The following TMEM131L variants were observed in gnomAD, a reference collection of about 807,000 sequenced individuals.
TMEM131L encodes transmembrane 131 like, also known as transmembrane protein 131-like.
TMEM131L carries 54 observed loss-of-function variants against 192.2 expected under a neutral mutation model. That is an observed-to-expected ratio of 0.28 (90% CI 0.23 to 0.35). The LOEUF is 0.35. TMEM131L is among the 10% of genes least tolerant of loss of function. TMEM131L has a pLI of 1.00. For synonymous variants in TMEM131L, 701 were observed against 704.9 expected (o/e 0.99, Z 0.09); for missense variants, 1,888 against 1,972.9 (o/e 0.96, Z 0.82).
intron 7 of TMEM131L, among the ~76,000 whole-genome samples, chr4:153,566,189 G>A (rs1729176831): frequency 6.6e-6 from 1 of 151,322 alleles, no homozygotes; most frequent in Non-Finnish European, 1.5e-5. Flanking sequence ...AGGCTGGAGT[G>A]CAGTGGCGCA....
At chr4:153,483,817 C>G (rs935835811) in intron 3 of TMEM131L, among the ~76,000 whole-genome samples, 1 of 152,122 alleles carries the variant, frequency 6.6e-6, no homozygotes, top group East Asian at 1.9e-4. Flanking sequence ...AGGAAGGCTT[C>G]TAGCTAGAGA....
intron 3 of TMEM131L, among the ~76,000 whole-genome samples, chr4:153,486,953 C>A (rs1274011790): frequency 6.6e-6 from 1 of 152,178 alleles, no homozygotes; most frequent in Admixed American, 6.5e-5. Context: ...GAGAAATGAG[C>A]GGTCTAGGGC....
intron 1 of TMEM131L, 47 bp from the exon 2 acceptor site, chr4:153,467,164 C>A (rs975150926): frequency 6.5e-7 from 1 of 1,531,808 alleles, no homozygotes. Flanking sequence ...GGAAGCGTTT[C>A]TTTAGCGTGC....
At chr4:153,494,191 A>G (rs1732997257) in intron 3 of TMEM131L, among the ~76,000 whole-genome samples, 1 of 152,142 alleles carries the variant, frequency 6.6e-6, no homozygotes, top group African/African-American at 2.4e-5. Context: ...AACTGTTAAT[A>G]GTGGAATTTG....
At chr4:153,634,376 G>A (rs1734429284) in intron 33 of TMEM131L, 96 bp downstream of exon 33, 1 of 1,018,688 alleles carries the variant, frequency 9.8e-7, no homozygotes, top group Non-Finnish European at 1.5e-6. Flanking sequence ...TTAACAGCGA[G>A]CAGACTTTGA....
chr4:153,491,023 A>G (rs1732742988), intron 3 of TMEM131L, among the ~76,000 whole-genome samples: 1 of 151,982 alleles, frequency 6.6e-6, no homozygotes, highest in South Asian at 2.1e-4. Context: ...GACCCCGTTC[A>G]GAGATGTGTC....
chr4:153,547,704 A>G (rs181055446), intron 3 of TMEM131L, among the ~76,000 whole-genome samples: 11 of 152,346 alleles, frequency 7.2e-5, no homozygotes, highest in Non-Finnish European at 1.5e-4. Flanking sequence ...TCTGCTTCCC[A>G]AGCCGTCATC....
At chr4:153,500,035 T>TCCTTCCTG (rs1733480508) in intron 3 of TMEM131L, among the ~76,000 whole-genome samples, 1 of 138,646 alleles carries the variant, frequency 7.2e-6, no homozygotes, top group African/African-American at 2.8e-5. Flanking sequence ...GAACCAACCT[T>TCCTTCCTG]CCTTCCTCCC....
At chr4:153,606,984 T>A (rs1732283589) in intron 25 of TMEM131L, among the ~76,000 whole-genome samples, 1 of 152,224 alleles carries the variant, frequency 6.6e-6, no homozygotes, top group South Asian at 2.1e-4. Context: ...TTCACAGCAC[T>A]GTCCTGGGAA....
intron 3 of TMEM131L, among the ~76,000 whole-genome samples, chr4:153,540,026 G>A (rs1477917896): frequency 1.3e-5 from 2 of 152,022 alleles, no homozygotes; most frequent in Non-Finnish European, 2.9e-5. Flanking sequence ...CAGGAGAATT[G>A]CTTGAACCCG....
At chr4:153,551,088 G>T (rs189539682) in intron 4 of TMEM131L, among the ~76,000 whole-genome samples, 3 of 152,182 alleles carry the variant, frequency 2.0e-5, no homozygotes, top group Admixed American at 2.0e-4. Context: ...AGAATATAGC[G>T]CATTGAAAAG....
At chr4:153,623,127 C>T (rs374784187) in intron 29 of TMEM131L, 44 bp downstream of exon 29, 23 of 1,501,054 alleles carry the variant, frequency 1.5e-5, no homozygotes, top group African/African-American at 4.2e-5. Context: ...TGGCCCTTCC[C>T]TCTGCCCTCC....
intron 3 of TMEM131L, among the ~76,000 whole-genome samples, chr4:153,547,318 TA>T (rs1193041424): frequency 6.6e-6 from 1 of 152,240 alleles, no homozygotes. Context: ...TCTATCAGAA[TA>T]TGAGACAGCC....
intron 3 of TMEM131L, among the ~76,000 whole-genome samples, chr4:153,545,089 A>G (rs1443337112): frequency 1.3e-5 from 2 of 152,166 alleles, no homozygotes; most frequent in Non-Finnish European, 2.9e-5. Context: ...ATCAGCAGAC[A>G]GATTTAATTT....
intron 31 of TMEM131L, among the ~76,000 whole-genome samples, chr4:153,631,587 A>AT (rs1278033359): frequency 6.6e-6 from 1 of 152,142 alleles, no homozygotes; most frequent in Non-Finnish European, 1.5e-5. Flanking sequence ...AAGAGACACT[A>AT]TATGTTCCGA....
intron 9 of TMEM131L, among the ~76,000 whole-genome samples, chr4:153,582,901 G>A (rs75412782): frequency 0.021 from 3,215 of 152,176 alleles, 80 homozygotes; most frequent in Middle Eastern, 0.085. Context: ...ATTCAGAAGA[G>A]CATTGTGTGA....
chr4:153,615,188 A>G (rs1435380583), intron 26 of TMEM131L, among the ~76,000 whole-genome samples: 1 of 152,204 alleles, frequency 6.6e-6, no homozygotes, highest in Non-Finnish European at 1.5e-5. Context: ...ACCTACCTCA[A>G]AGAGTTGTGA....
In TMEM131L at chr4:153,586,276, C is replaced by T. The variant is rs1027389955; in HGVS notation, c.1379C>T (p.Ala460Val). The change falls in exon 14 of 35, where the codon GCT (alanine) becomes GTT (valine). Residue 460 changes from alanine to valine, a missense_variant. Transcript: ENST00000409959. ...TGGAATATATTTTCTTTGAAACTTGCTGTTAAAGACATTGCCATAAATCTA... is the reference window on the plus strand; with the variant it reads ...TGGAATATATTTTCTTTGAAACTTGTTGTTAAAGACATTGCCATAAATCTA... ...GCWNIFSLKL[A>V]VKDIAINLFT... 3.7e-6 allele frequency: 6 copies of T among 1,601,868 alleles called. No individual in the cohort carries two copies. The East Asian group carries it at 6.8e-5, about 18-fold the overall frequency.
intron 3 of TMEM131L, among the ~76,000 whole-genome samples, chr4:153,525,768 C>T (rs989217452): frequency 2.6e-5 from 4 of 152,312 alleles, no homozygotes; most frequent in Non-Finnish European, 4.4e-5. Context: ...TATTAAGGCG[C>T]ACAGGAATCA....
Sources: allele counts gnomAD v4.1 joint callset (sites outside exome capture counted in the v4.1 genomes callset), GRCh38; gene constraint gnomAD v4.1.1; transcripts MANE v1.5; gene names NCBI Gene and HGNC (gene_info 2026-07-23, HGNC 2026-07-21).